ZNF429: variants seen among roughly 807,000 people sequenced by gnomAD.
The protein encoded by ZNF429 is zinc finger protein 429.
In ZNF429, 53 loss-of-function variants were observed where a neutral mutation model predicts 56.8. The ratio of observed to expected loss-of-function variants is 0.93; its 90% CI spans 0.75 to 1.17. The LOEUF is 1.17. Ranked by LOEUF, ZNF429 falls within the 50% of genes most tolerant of loss-of-function variation. ZNF429 has a pLI of 0.00. For synonymous variants in ZNF429, 278 were observed against 264.7 expected (o/e 1.05, Z -0.49); for missense variants, 849 against 788.4 (o/e 1.08, Z -0.92).
At chr19:21,511,156 G>A (rs1392509458) in intron 1 of ZNF429, among the ~76,000 whole-genome samples, 1 of 152,008 alleles carries the variant, frequency 6.6e-6, no homozygotes, top group African/African-American at 2.4e-5. Flanking sequence ...AGAAGGGGCG[G>A]CCAGGCAGAG....
chr19:21,530,396 A>T, intron 2 of ZNF429, among the ~76,000 whole-genome samples, 193 bp from the exon 3 acceptor site: 13 of 152,154 alleles, frequency 8.5e-5, no homozygotes, highest in Admixed American at 3.3e-4. Flanking sequence ...TTTATTAAGT[A>T]GTACTGGGCA....
chr19:21,535,441 T>TC lies in ZNF429; in HGVS notation c.227-839_227-838insC. ...CTTTCTTTCTTTCTTTCTTTCTTTC[T>TC]TTCTTTCTTTCTTTCTTTCTTTCTT... On this transcript the variant is annotated intron_variant, in intron 3 of 3. Transcript: ENST00000358491. 4.1e-4 allele frequency among the ~76,000 whole-genome samples: 26 copies of TC among 63,992 alleles called. 3 individuals carry two copies. The highest frequency in any genetic ancestry group is 1.9e-3 in the African/African-American group (25 of 13,304). 42.0% of individuals were successfully genotyped at this position (63,992 alleles called of 152,430 possible). A position where few individuals can be genotyped will look rare whatever the true frequency, so the allele number is the denominator to read the frequency against.
chr19:21,531,610 C>T, intron 3 of ZNF429, among the ~76,000 whole-genome samples: 2 of 152,254 alleles, frequency 1.3e-5, no homozygotes, highest in East Asian at 3.9e-4. Flanking sequence ...TCCAGACCAG[C>T]CTGGCCAACT....
chr19:21,506,580 G>T (rs1218783024), intron 1 of ZNF429, among the ~76,000 whole-genome samples: 1 of 151,934 alleles, frequency 6.6e-6, no homozygotes, highest in African/African-American at 2.4e-5. Flanking sequence ...AAGACTTTGC[G>T]CATGGTACAA....
intron 3 of ZNF429, among the ~76,000 whole-genome samples, chr19:21,531,135 A>AAC: frequency 7.1e-6 from 1 of 140,984 alleles, no homozygotes; most frequent in African/African-American, 2.7e-5. Context: ...AAAAACCAAA[A>AAC]AAAAAAAAAC....
intron 3 of ZNF429, among the ~76,000 whole-genome samples, chr19:21,535,338 T>C: frequency 0.014 from 1,561 of 109,776 alleles, 184 homozygotes; most frequent in African/African-American, 0.052. Flanking sequence ...TCTTTTCTTT[T>C]CTTTCCTTTC....
At chr19:21,517,451 A>G (rs1374318016) in intron 1 of ZNF429, among the ~76,000 whole-genome samples, 2 of 152,074 alleles carry the variant, frequency 1.3e-5, no homozygotes, top group African/African-American at 4.8e-5. Flanking sequence ...TGCTGTTACT[A>G]TATAATGAGC....
intron 1 of ZNF429, among the ~76,000 whole-genome samples, chr19:21,509,191 G>C (rs550178833): frequency 6.6e-6 from 1 of 152,074 alleles, no homozygotes; most frequent in Non-Finnish European, 1.5e-5. Context: ...TATTTTAGTA[G>C]AGACAGGGTT....
intron 3 of ZNF429, among the ~76,000 whole-genome samples, chr19:21,533,261 A>C: frequency 1.3e-5 from 2 of 152,044 alleles, no homozygotes; most frequent in Admixed American, 6.6e-5. Context: ...TTTTTGATGA[A>C]AATTTAGTTC....
intron 1 of ZNF429, 169 bp from the exon 2 acceptor site, chr19:21,529,489 G>A: frequency 3.2e-6 from 3 of 949,730 alleles, no homozygotes; most frequent in East Asian, 1.2e-4. Flanking sequence ...GAACATTTCT[G>A]TTTATAAATT....
intron 3 of ZNF429, among the ~76,000 whole-genome samples, chr19:21,531,113 A>AAAAAAAAAAAC: frequency 1.0e-5 from 1 of 98,278 alleles, no homozygotes; most frequent in African/African-American, 5.1e-5. Context: ...TCTCAAAAAA[A>AAAAAAAAAAAC]AAAAAAAAAA....
chr19:21,528,908 G>A (rs796170791), intron 1 of ZNF429, among the ~76,000 whole-genome samples: 1 of 151,760 alleles, frequency 6.6e-6, no homozygotes, highest in Non-Finnish European at 1.5e-5. Context: ...GATTCACTTG[G>A]TTAAAGAACT....
intron 1 of ZNF429, among the ~76,000 whole-genome samples, chr19:21,510,547 C>T (rs1199001248): frequency 6.6e-6 from 1 of 152,122 alleles, no homozygotes; most frequent in African/African-American, 2.4e-5. Context: ...CAGAGGGCTG[C>T]TGGTTGACCA....
Position 21,535,410 on chromosome 19 carries a change from TC to T in ZNF429, c.227-869del. Among the ~76,000 whole-genome samples the T allele has an allele frequency of 3.0e-3, 276 of 90,716 alleles. 12 individuals carry two copies. Among genetic ancestry groups the T allele is most frequent in the African/African-American group, 7.4e-3 (122 of 16,440 alleles). The allele number at this position is 90,716 out of a possible 152,430, so 59.5% of individuals were successfully genotyped here. On this transcript the variant is annotated intron_variant, in intron 3 of 3. Coordinates refer to ENST00000358491, the MANE Select transcript of ZNF429 (RefSeq NM_001001415.4). ...CTTTCTTTCTTTCTTTCTTTCTTTT[TC>T]TTTTCTTTCTTTCTTTCTTTCTTTC...
intron 3 of ZNF429, among the ~76,000 whole-genome samples, chr19:21,531,728 C>T: frequency 3.3e-5 from 5 of 151,680 alleles, no homozygotes; most frequent in African/African-American, 1.2e-4. Context: ...ATTGCTTGAA[C>T]CTAGGAGGCG....
At chr19:21,525,572 A>G (rs1314743288) in intron 1 of ZNF429, among the ~76,000 whole-genome samples, 1 of 152,026 alleles carries the variant, frequency 6.6e-6, no homozygotes, top group Non-Finnish European at 1.5e-5. Context: ...ATATTTTGCT[A>G]CCTTTCTAGA....
chr19:21,524,215 C>G (rs994293905), intron 1 of ZNF429, among the ~76,000 whole-genome samples: 2 of 152,204 alleles, frequency 1.3e-5, no homozygotes, highest in African/African-American at 2.4e-5. Context: ...AGAGCCATAA[C>G]ACAACTATAC....
At chr19:21,534,437 A>C in intron 3 of ZNF429, among the ~76,000 whole-genome samples, 1 of 116,148 alleles carries the variant, frequency 8.6e-6, no homozygotes. Flanking sequence ...GTACAGTGGC[A>C]TGATTTTGGC....
intron 1 of ZNF429, among the ~76,000 whole-genome samples, chr19:21,525,082 T>G (rs2145451326): frequency 6.6e-6 from 1 of 152,350 alleles, no homozygotes; most frequent in East Asian, 1.9e-4. Flanking sequence ...ATATGGTTGG[T>G]ACAATGAATA....
Sources: gnomAD v4.1 joint callset for allele counts (sites outside exome capture counted in the v4.1 genomes callset) on GRCh38, gnomAD v4.1.1 for gene constraint, MANE v1.5 for transcripts, NCBI Gene and HGNC (gene_info 2026-07-23, HGNC 2026-07-21) for gene names.